Variants in TAFA1 observed in about 807,000 individuals in gnomAD.
TAFA1 encodes TAFA chemokine like family member 1.
A neutral mutation model predicts 18.5 loss-of-function variants in TAFA1; 4 were observed. That is an observed-to-expected ratio of 0.22 (90% CI 0.11 to 0.49). The LOEUF is 0.49. TAFA1 is among the 20% of genes least tolerant of loss of function. The probability of loss-of-function intolerance (pLI) is 0.98; values close to 1 mark genes in which losing one functional copy is unlikely to be tolerated. For missense variants in TAFA1, 147 were observed against 169.0 expected (o/e 0.87, Z 0.72); for synonymous variants, 56 against 55.2 (o/e 1.01, Z -0.06).
chr3:68,170,975 C>T (rs996647690), intron 2 of TAFA1, among the ~76,000 whole-genome samples: 2 of 152,040 alleles, frequency 1.3e-5, no homozygotes, highest in African/African-American at 2.4e-5. Context: ...GAACGAATAG[C>T]AACAATAAGC....
intron 2 of TAFA1, among the ~76,000 whole-genome samples, chr3:68,322,757 A>G (rs1382937057): frequency 6.6e-6 from 1 of 152,180 alleles, no homozygotes; most frequent in Non-Finnish European, 1.5e-5. Flanking sequence ...AGCCTGGCCA[A>G]CATGGTGAAA....
chr3:68,244,251 A>G (rs572755951), intron 2 of TAFA1, among the ~76,000 whole-genome samples: 1 of 152,254 alleles, frequency 6.6e-6, no homozygotes. Flanking sequence ...GCAGATCAAA[A>G]GTTTCTAATT....
chr3:68,392,933 C>A (rs2070293378), intron 2 of TAFA1, among the ~76,000 whole-genome samples: 1 of 152,042 alleles, frequency 6.6e-6, no homozygotes, highest in African/African-American at 2.4e-5. Context: ...ACCCTAACGT[C>A]ACAATTAAAA....
chr3:68,351,795 G>A (rs2069275533), intron 2 of TAFA1, among the ~76,000 whole-genome samples: 1 of 151,938 alleles, frequency 6.6e-6, no homozygotes, highest in African/African-American at 2.4e-5. Context: ...GTCTTCAGTG[G>A]TTAACTTTGT....
chr3:68,134,084 CAA>C (rs1198708405), intron 2 of TAFA1, among the ~76,000 whole-genome samples: 1 of 102,548 alleles, frequency 9.8e-6, no homozygotes, highest in Non-Finnish European at 2.1e-5. Flanking sequence ...AAAAAAAAAA[CAA>C]TGAGAAAAAA....
chr3:68,211,846 C>A (rs1284723081), intron 2 of TAFA1, among the ~76,000 whole-genome samples: 2 of 151,984 alleles, frequency 1.3e-5, no homozygotes, highest in African/African-American at 4.8e-5. Flanking sequence ...AGAACTCTGG[C>A]CATTGTTCAC....
At chr3:68,108,372 C>A (rs947084591) in intron 2 of TAFA1, among the ~76,000 whole-genome samples, 1 of 151,858 alleles carries the variant, frequency 6.6e-6, no homozygotes, top group East Asian at 1.9e-4. Context: ...CATGAAGTAA[C>A]TTTTCTCTAT....
rs140418411 is a variant in TAFA1 at position 68,366,624 on chromosome 3, G to A, written c.119-50656G>A. Among the ~76,000 whole-genome samples the A allele has an allele frequency of 2.6e-4, 40 of 152,254 alleles. No homozygotes were observed. The East Asian group carries it at 7.5e-3, about 29-fold the overall frequency. ...CTTACAGGCAGGCAATATGTGGCAG[G>A]GCTTCAAAACAGAGGTTTCAAGACC... is the stretch of plus-strand genomic sequence containing the variant. On this transcript the variant is annotated intron_variant, in intron 2 of 4. Transcript: ENST00000478136.
chr3:68,539,078 A>G (rs2073322551), intron 4 of TAFA1, among the ~76,000 whole-genome samples, 198 bp downstream of exon 4: 1 of 152,188 alleles, frequency 6.6e-6, no homozygotes, highest in Non-Finnish European at 1.5e-5. Context: ...CACACTGAGC[A>G]GTTTAGTGTT....
rs1262649956 is a variant in TAFA1 at position 68,511,393 on chromosome 3, T to C, written c.260-27363T>C. 1.3e-5 allele frequency among the ~76,000 whole-genome samples: 2 copies of C among 152,166 alleles called. 1 individual carries two copies. The highest frequency in any genetic ancestry group is 2.9e-5 in the Non-Finnish European group (2 of 68,006). ...CAGTAGATTTCTAATCATATATTTCTACTAGCAGACAAGTTGAAATAAATT... is the reference window on the plus strand; with the variant it reads ...CAGTAGATTTCTAATCATATATTTCCACTAGCAGACAAGTTGAAATAAATT... On this transcript the variant is annotated intron_variant, in intron 3 of 4. Transcript: ENST00000478136.
chr3:68,327,057 G>A (rs1317107712), intron 2 of TAFA1, among the ~76,000 whole-genome samples: 1 of 152,146 alleles, frequency 6.6e-6, no homozygotes, highest in Non-Finnish European at 1.5e-5. Context: ...TCTAGTGATA[G>A]TGAATAAGTC....
chr3:68,522,712 G>A (rs534050288), intron 3 of TAFA1, among the ~76,000 whole-genome samples: 21 of 152,268 alleles, frequency 1.4e-4, no homozygotes, highest in Admixed American at 3.3e-4. Context: ...AGCCAGGCAT[G>A]GCAGTGAGTG....
At chr3:68,333,777 A>G (rs974466088) in intron 2 of TAFA1, among the ~76,000 whole-genome samples, 1 of 152,248 alleles carries the variant, frequency 6.6e-6, no homozygotes, top group African/African-American at 2.4e-5. Flanking sequence ...AGTCACCACA[A>G]GTGTTCATTA....
chr3:68,090,419 A>T (rs1008643850), intron 2 of TAFA1, among the ~76,000 whole-genome samples: 3 of 152,216 alleles, frequency 2.0e-5, no homozygotes, highest in African/African-American at 7.2e-5. Context: ...TGGTATCATT[A>T]GAATTATAAA....
chr3:68,494,937 A>G (rs549236608), intron 3 of TAFA1, among the ~76,000 whole-genome samples: 2 of 152,340 alleles, frequency 1.3e-5, no homozygotes, highest in Admixed American at 6.5e-5. Flanking sequence ...TCAGGCTGAA[A>G]GTCTAGATTC....
chr3:68,150,713 G>A (rs970810863), intron 2 of TAFA1, among the ~76,000 whole-genome samples: 1 of 151,992 alleles, frequency 6.6e-6, no homozygotes. Flanking sequence ...TGAAATTGAT[G>A]AGTTAGGTTA....
chr3:68,129,654 T>C (rs1338978878), intron 2 of TAFA1, among the ~76,000 whole-genome samples: 1 of 152,194 alleles, frequency 6.6e-6, no homozygotes, highest in African/African-American at 2.4e-5. Context: ...TTATAACATA[T>C]TATGTATATA....
intron 2 of TAFA1, among the ~76,000 whole-genome samples, chr3:68,213,146 A>T (rs2066615833): frequency 6.6e-6 from 1 of 152,034 alleles, no homozygotes; most frequent in Non-Finnish European, 1.5e-5. Flanking sequence ...CGGTTATAAC[A>T]CTTTGTTGCC....
rs193154102 is a variant in TAFA1, at chr3:68,257,511, C to A, written c.119-159769C>A. 9.9e-5 allele frequency among the ~76,000 whole-genome samples: 15 copies of A among 151,588 alleles called. No homozygotes were observed. In the East Asian group the frequency reaches 2.3e-3, roughly 24 times the overall value. ...GGTGCTTAATTAATAGTTGTTGAATCAATGATTACATCAACAAACGAACAC... is the reference window on the plus strand; with the variant it reads ...GGTGCTTAATTAATAGTTGTTGAATAAATGATTACATCAACAAACGAACAC... On this transcript the variant is annotated intron_variant, in intron 2 of 4. Transcript: ENST00000478136.
Sources: gnomAD v4.1 joint callset for allele counts (sites outside exome capture counted in the v4.1 genomes callset) on GRCh38, gnomAD v4.1.1 for gene constraint, MANE v1.5 for transcripts, NCBI Gene and HGNC (gene_info 2026-07-23, HGNC 2026-07-21) for gene names.